CSMD3: variants seen among roughly 807,000 people sequenced by gnomAD.
CSMD3 encodes CUB and Sushi multiple domains 3.
Under a neutral mutation model 435.2 loss-of-function variants are expected in CSMD3, and 177 were observed. The ratio of observed to expected loss-of-function variants is 0.41; its 90% CI spans 0.36 to 0.46. The LOEUF is 0.46. CSMD3 is among the 20% of genes least tolerant of loss of function. CSMD3 has a pLI of 0.34. For synonymous variants in CSMD3, 1,656 were observed against 1,520.5 expected (o/e 1.09, Z -2.07); for missense variants, 4,265 against 4,504.6 (o/e 0.95, Z 1.52).
At chr8:112,979,870 A>G (rs1023159464) in intron 6 of CSMD3, among the ~76,000 whole-genome samples, 1 of 151,156 alleles carries the variant, frequency 6.6e-6, no homozygotes, top group Non-Finnish European at 1.5e-5. Context: ...TATCTGAAAT[A>G]TAATTTTAAT....
intron 56 of CSMD3, among the ~76,000 whole-genome samples, chr8:112,290,652 A>G (rs1366174011): frequency 6.6e-6 from 1 of 152,058 alleles, no homozygotes; most frequent in Non-Finnish European, 1.5e-5. Flanking sequence ...AAATCCTCTA[A>G]ATGAAGCATA....
intron 3 of CSMD3, among the ~76,000 whole-genome samples, chr8:113,267,790 C>T (rs2093484277): frequency 6.6e-6 from 1 of 151,604 alleles, no homozygotes; most frequent in East Asian, 1.9e-4. Flanking sequence ...CAAGATTTCA[C>T]ACGTATCTCA....
intron 31 of CSMD3, among the ~76,000 whole-genome samples, chr8:112,489,734 A>T (rs917372008): frequency 3.3e-4 from 50 of 152,180 alleles, no homozygotes; most frequent in Admixed American, 3.1e-3. Context: ...TAGCTCTAAA[A>T]CAGGATTTTT....
At chr8:112,320,416 A>G (rs956194928) in intron 45 of CSMD3, among the ~76,000 whole-genome samples, 5 of 152,176 alleles carry the variant, frequency 3.3e-5, no homozygotes, top group African/African-American at 1.2e-4. Flanking sequence ...TCCAGACAGT[A>G]TTATAAATAC....
intron 13 of CSMD3, among the ~76,000 whole-genome samples, chr8:112,706,149 C>T (rs1463339440): frequency 6.6e-6 from 1 of 151,942 alleles, no homozygotes; most frequent in Non-Finnish European, 1.5e-5. Flanking sequence ...AGTGAGTCAG[C>T]TAATTATAGC....
chr8:112,292,854 CA>C, intron 54 of CSMD3, 144 bp from the exon 55 acceptor site: 1 of 733,760 alleles, frequency 1.4e-6, no homozygotes, highest in African/African-American at 1.7e-5. Flanking sequence ...ACGGAAAGTA[CA>C]TTTACTAATG....
Position 113,256,492 on chromosome 8 carries a change from A to G in CSMD3, c.514+22100T>C, listed in dbSNP as rs2093381826. Among the ~76,000 whole-genome samples, 2 of 152,212 alleles carry G rather than the reference A, an allele frequency of 1.3e-5. 1 individual carries two copies. Among genetic ancestry groups the G allele is most frequent in the South Asian group, 4.1e-4 (2 of 4,834 alleles). ...GACTCAGTCATTTTACAATGTGCTC[A>G]CTAGGAAAAGTTATAACTGAGTTTC... On this transcript the variant is annotated intron_variant, in intron 3 of 70. Coordinates refer to ENST00000297405, the MANE Select transcript of CSMD3 (RefSeq NM_198123.2).
chr8:112,808,274 T>G (rs1253113052), intron 12 of CSMD3, among the ~76,000 whole-genome samples: 3 of 152,138 alleles, frequency 2.0e-5, no homozygotes, highest in African/African-American at 7.2e-5. Flanking sequence ...CCCGGTAAAG[T>G]ATCTTTTAAT....
intron 29 of CSMD3, among the ~76,000 whole-genome samples, chr8:112,505,734 T>C (rs966235333): frequency 6.6e-6 from 1 of 152,126 alleles, no homozygotes; most frequent in Non-Finnish European, 1.5e-5. Flanking sequence ...CCTTATGTTT[T>C]ACAAGGTACT....
At chr8:113,036,453 C>T (rs1249520100) in intron 5 of CSMD3, among the ~76,000 whole-genome samples, 1 of 152,112 alleles carries the variant, frequency 6.6e-6, no homozygotes, top group South Asian at 2.1e-4. Flanking sequence ...CAACAGTAGA[C>T]ATGTGTGTCT....
chr8:112,257,033 A>G (rs773297894), intron 61 of CSMD3, among the ~76,000 whole-genome samples: 11 of 152,132 alleles, frequency 7.2e-5, no homozygotes, highest in Non-Finnish European at 1.3e-4. Context: ...GAAATTCAAG[A>G]CTACACGATA....
At chr8:112,405,062 C>G (rs563402184) in intron 35 of CSMD3, among the ~76,000 whole-genome samples, 54 of 149,258 alleles carry the variant, frequency 3.6e-4, no homozygotes, top group African/African-American at 1.3e-3. Flanking sequence ...TAGTGCACGC[C>G]TGTAATCCCA....
chr8:112,269,913 T>A (rs2130459447), intron 59 of CSMD3, among the ~76,000 whole-genome samples: 1 of 152,312 alleles, frequency 6.6e-6, no homozygotes, highest in African/African-American at 2.4e-5. Context: ...ATGATCTTGA[T>A]TTCAAGATAC....
chr8:112,419,980 C>T (rs977365959), intron 32 of CSMD3, among the ~76,000 whole-genome samples: 1 of 152,044 alleles, frequency 6.6e-6, no homozygotes, highest in Non-Finnish European at 1.5e-5. Flanking sequence ...GTTATTAGCA[C>T]TTTTGTTTTG....
chr8:112,358,094 C>G (rs889696392), intron 38 of CSMD3, among the ~76,000 whole-genome samples: 2 of 152,166 alleles, frequency 1.3e-5, no homozygotes, highest in African/African-American at 4.8e-5. Context: ...ATCAGGATGA[C>G]CTGGATGTGA....
intron 31 of CSMD3, among the ~76,000 whole-genome samples, chr8:112,479,555 G>T (rs894213529): frequency 2.0e-5 from 3 of 152,168 alleles, no homozygotes; most frequent in Non-Finnish European, 4.4e-5. Flanking sequence ...CCAGGCCCAT[G>T]GCCCTGCTGC....
In CSMD3 at chr8:112,463,506, T is replaced by C. The variant is rs370932375; in HGVS notation, c.5395+9085A>G. Among the ~76,000 whole-genome samples, 957 of 152,342 alleles carry C rather than the reference T, an allele frequency of 6.3e-3. 7 individuals carry two copies. The highest frequency in any genetic ancestry group is 0.024 in the South Asian group (116 of 4,822). ...CTTGGTAACTGGCTCTGCTGTCTGC[T>C]GGCAAACTTGCACTTAGAGCTATGC... On this transcript the variant is annotated intron_variant, in intron 32 of 70. Coordinates refer to ENST00000297405, the MANE Select transcript of CSMD3 (RefSeq NM_198123.2).
At position 112,650,216 on chromosome 8, in the gene CSMD3, C is replaced by T. The variant is rs375909130; in HGVS notation, c.3138G>A (p.Glu1046=). Residue 1046 remains glutamate, a synonymous_variant, in exon 19 of 71, where the codon GAG becomes GAA. Coordinates refer to ENST00000297405, the MANE Select transcript of CSMD3 (RefSeq NM_198123.2). ...AGTGGTTTTTTTCGCATAGAAGGGG[C>T]TCTTCATGACTCAACCTGTATCCTG... ...CDSGYRLSHE[E]PLLCEKNHWW... The T allele has an allele frequency of 6.2e-7, 1 of 1,613,914 alleles. No individual in the cohort carries two copies.
chr8:112,415,087 T>C (rs2130185796), intron 32 of CSMD3, among the ~76,000 whole-genome samples: 1 of 152,334 alleles, frequency 6.6e-6, no homozygotes, highest in Middle Eastern at 3.4e-3. Context: ...AGGAGCCAGA[T>C]ATTAATCCCC....
Sources: allele counts gnomAD v4.1 joint callset (sites outside exome capture counted in the v4.1 genomes callset), GRCh38; gene constraint gnomAD v4.1.1; transcripts MANE v1.5; gene names NCBI Gene and HGNC (gene_info 2026-07-23, HGNC 2026-07-21).